The following EML5 variants were observed in gnomAD, a reference collection of about 807,000 sequenced individuals.
EML5 encodes the protein echinoderm microtubule-associated protein-like 5.
A neutral mutation model predicts 250.0 loss-of-function variants in EML5; 120 were observed. The ratio of observed to expected loss-of-function variants is 0.48; its 90% CI spans 0.41 to 0.56. The LOEUF is 0.56. EML5 is among the 20% of genes least tolerant of loss of function. EML5 has a pLI of 0.00. For missense variants in EML5, 2,006 were observed against 2,437.6 expected, an observed-to-expected ratio of 0.82 and a Z score of 3.73; for synonymous variants, 771 against 806.5, an observed-to-expected ratio of 0.96 and a Z score of 0.75.
At chr14:88,705,673 T>C (rs567615391) in intron 11 of EML5, 85 bp from the exon 12 acceptor site, 35 of 980,284 alleles carry the variant, frequency 3.6e-5, no homozygotes, top group African/African-American at 2.6e-4. Context: ...TTAAGAGCTA[T>C]GTCAGTTGAC....
chr14:88,736,766 A>C (rs1220147977), intron 6 of EML5, among the ~76,000 whole-genome samples: 1 of 152,178 alleles, frequency 6.6e-6, no homozygotes, highest in Non-Finnish European at 1.5e-5. Context: ...CATTTGGTGC[A>C]CTTTCCTCTG....
Position 88,621,154 on chromosome 14 carries a change from C to T in EML5, c.5161G>A (p.Ala1721Thr), listed in dbSNP as rs1443763600. The T allele has an allele frequency of 1.2e-6, 2 of 1,613,890 alleles. No homozygotes were observed. Among genetic ancestry groups the T allele is most frequent in the South Asian group, 1.1e-5 (1 of 91,080 alleles). The change falls in exon 38 of 44, where the codon GCA becomes ACA. Residue 1721 changes from alanine (A) to threonine (T), a missense_variant. This residue lies in a region of EML5 where 405 missense variants were observed against 523.3 expected (regional missense o/e 0.77). Coordinates refer to ENST00000554922, the MANE Select transcript of EML5 (RefSeq NM_183387.3). ...CAAAGTCTCACTGTCCCATCTTCTG[C>T]AGCAGAAAGGAAAAAATCCCTGGAA... ...HPSRDFFLSA[A>T]EDGTVRLWDI...
intron 7 of EML5, among the ~76,000 whole-genome samples, chr14:88,732,862 G>A (rs1302320586): frequency 1.3e-5 from 2 of 152,138 alleles, no homozygotes; most frequent in African/African-American, 4.8e-5. Context: ...CCAGGCTGGA[G>A]TGCAGTGGCG....
In EML5 at chr14:88,638,798, C is replaced by G; in HGVS notation, c.4336+11G>C. 3.2e-6 allele frequency: 5 copies of G among 1,550,822 alleles called. No homozygotes were observed. Among genetic ancestry groups the G allele is most frequent in the Non-Finnish European group, 4.4e-6 (5 of 1,144,592 alleles). On this transcript the variant is annotated intron_variant, in intron 32 of 43. Transcript: ENST00000554922. The stretch of plus-strand genomic sequence containing the variant: ...CTTTAAATTGTTTCTTTTTAAAATA[C>G]AGAAACATACCTACTTGGCCAGTTG...
At chr14:88,786,321 T>C (rs142036563) in intron 1 of EML5, among the ~76,000 whole-genome samples, 2 of 152,298 alleles carry the variant, frequency 1.3e-5, no homozygotes, top group Middle Eastern at 3.4e-3. Flanking sequence ...CACACATATA[T>C]AAAATTTACC....
chr14:88,745,511 A>G (rs2093992862), intron 3 of EML5, among the ~76,000 whole-genome samples: 1 of 152,130 alleles, frequency 6.6e-6, no homozygotes, highest in African/African-American at 2.4e-5. Context: ...ATCAGTTAAA[A>G]ATGTTAGGTC....
rs778188724 is a variant in EML5, at chr14:88,621,316, G to A, written c.5014-15C>T. 2 of 1,613,504 alleles carry A rather than the reference G, an allele frequency of 1.2e-6. No homozygotes were observed. The highest frequency in any genetic ancestry group is 1.7e-6 in the Non-Finnish European group (2 of 1,179,694). Reference sequence around the variant, plus strand: ...AGGATCTTGCCCTGAAACACAAGCAGGACCAATACAGTGAATGTAATACAA... The same window carrying A: ...AGGATCTTGCCCTGAAACACAAGCAAGACCAATACAGTGAATGTAATACAA... On this transcript the variant is annotated splice_polypyrimidine_tract_variant and intron_variant, in intron 37 of 43. Coordinates refer to ENST00000554922, the MANE Select transcript of EML5 (RefSeq NM_183387.3).
Position 88,618,282 on chromosome 14 carries a change from T to C in EML5, c.5588A>G (p.Lys1863Arg), listed in dbSNP as rs766668998. 20 of 1,613,800 alleles carry C rather than the reference T, an allele frequency of 1.2e-5. No individual in the cohort carries two copies. The East Asian group carries it at 2.7e-4, about 22-fold the overall frequency. Residue 1863 changes from lysine to arginine, a missense_variant, in exon 41 of 44, where the codon AAA (lysine) becomes AGA (arginine). Physicochemically the swap from Lys to Arg is conservative, Grantham distance 26 (BLOSUM62 2). This residue lies in a region of EML5 where 405 missense variants were observed against 523.3 expected (regional missense o/e 0.77). Transcript: ENST00000554922. ...KRHVYEVPSG[K>R]HLMDHAAIDR... ...AATAGCGGCATGATCCATAAGATGTTTTCCTGAAGGCACTTCATAGACATG... is the reference window on the plus strand; with the variant it reads ...AATAGCGGCATGATCCATAAGATGTCTTCCTGAAGGCACTTCATAGACATG...
intron 21 of EML5, among the ~76,000 whole-genome samples, 199 bp from the exon 22 acceptor site, chr14:88,665,688 CAAGGGGCAAAGGAG>C (rs1157623041): frequency 6.6e-6 from 1 of 151,402 alleles, no homozygotes; most frequent in Non-Finnish European, 1.5e-5. Flanking sequence ...GGGGAAGGGG[CAAGGGGCAAAGGAG>C]AAGGGGCGAG....
intron 1 of EML5, among the ~76,000 whole-genome samples, chr14:88,788,536 T>TAAA (rs36066768): frequency 7.0e-6 from 1 of 142,352 alleles, no homozygotes; most frequent in African/African-American, 2.6e-5. Flanking sequence ...TTCACTATGT[T>TAAA]AAAAAAAAAA....
intron 16 of EML5, among the ~76,000 whole-genome samples, chr14:88,695,013 ATC>A (rs956115613): frequency 6.6e-6 from 1 of 152,082 alleles, no homozygotes; most frequent in Non-Finnish European, 1.5e-5. Flanking sequence ...ATGCATATAT[ATC>A]TTTTTTCACT....
chr14:88,630,438 CA>C (rs2090376857), intron 33 of EML5, among the ~76,000 whole-genome samples: 2 of 152,168 alleles, frequency 1.3e-5, no homozygotes, highest in African/African-American at 4.8e-5. Flanking sequence ...GCATACTCAG[CA>C]TCCATTACAT....
At chr14:88,725,065 T>G (rs2093646843) in intron 8 of EML5, among the ~76,000 whole-genome samples, 2 of 152,334 alleles carry the variant, frequency 1.3e-5, no homozygotes, top group South Asian at 4.1e-4. Context: ...TATATTCATT[T>G]TTTTAAAATA....
At chr14:88,653,230 G>A (rs1361238121) in intron 27 of EML5, among the ~76,000 whole-genome samples, 1 of 152,152 alleles carries the variant, frequency 6.6e-6, no homozygotes, top group Non-Finnish European at 1.5e-5. Flanking sequence ...ATAAAATCAT[G>A]TCATCTGCAA....
Position 88,658,329 on chromosome 14 carries a change from G to C in EML5, c.3735C>G (p.Arg1245=). The part of the protein sequence containing the change: ...VAHSTHVTNV[R]WTYDDSMLVT... ...CCAACATGCTGTCATCATAAGTCCA[G>C]CGAACATTTGTGACATGTGTACTAT... is the stretch of plus-strand genomic sequence containing the variant. Residue 1245 remains arginine, a synonymous_variant, in exon 26 of 44, where the codon CGC becomes CGG. Transcript: ENST00000554922. 2 of 1,613,692 alleles carry C rather than the reference G, an allele frequency of 1.2e-6. No individual in the cohort carries two copies. The highest frequency in any genetic ancestry group is 1.7e-6 in the Non-Finnish European group (2 of 1,179,776).
At chr14:88,702,702 G>A in intron 13 of EML5, 70 bp from the exon 14 acceptor site, 1 of 1,090,136 alleles carries the variant, frequency 9.2e-7, no homozygotes, top group East Asian at 3.0e-5. Flanking sequence ...ATATACAGGG[G>A]AGAAGTAGGT....
rs1299422483 is a variant in EML5 at position 88,613,380 on chromosome 14, A to G, written c.*2438T>C. On this transcript the variant is annotated 3_prime_UTR_variant, in exon 44 of 44. Coordinates refer to ENST00000554922, the MANE Select transcript of EML5 (RefSeq NM_183387.3). ...TTTTAAATTGTTTAAATATCTGGAA[A>G]TACTTTTAGCTATCATTTATAAAGA... 5 of 152,256 alleles carry G rather than the reference A, an allele frequency of 3.3e-5. No individual in the cohort carries two copies. The highest frequency in any genetic ancestry group is 7.2e-5 in the African/African-American group (3 of 41,520). 9.4% of individuals were successfully genotyped at this position (152,256 alleles called of 1,614,324 possible). A position where few individuals can be genotyped will look rare whatever the true frequency, so the allele number is the denominator to read the frequency against.
At chr14:88,752,162 T>A (rs1006015054) in intron 2 of EML5, among the ~76,000 whole-genome samples, 1 of 152,204 alleles carries the variant, frequency 6.6e-6, no homozygotes, top group Non-Finnish European at 1.5e-5. Context: ...TTAAACACTT[T>A]CAACTAGTAA....
chr14:88,628,218 G>A (rs1359993463), intron 33 of EML5, among the ~76,000 whole-genome samples: 1 of 152,112 alleles, frequency 6.6e-6, no homozygotes. Flanking sequence ...TATACATTCA[G>A]TACTGATGTT....
Sources: allele counts gnomAD v4.1 joint callset (sites outside exome capture counted in the v4.1 genomes callset), GRCh38; gene constraint gnomAD v4.1.1; regional missense constraint gnomAD v4.1.1; transcripts MANE v1.5; gene names NCBI Gene and HGNC (gene_info 2026-07-23, HGNC 2026-07-21).